EPB41: variants seen among roughly 807,000 people sequenced by gnomAD.
EPB41 encodes the protein erythrocyte membrane protein band 4.1, also known as protein 4.1.
EPB41 carries 65 observed loss-of-function variants against 108.0 expected under a neutral mutation model. That is an observed-to-expected ratio of 0.60 (90% CI 0.49 to 0.74). EPB41 has a LOEUF of 0.74. EPB41 is among the 30% of genes least tolerant of loss of function. The probability of loss-of-function intolerance (pLI) is 0.00; values close to 1 mark genes in which losing one functional copy is unlikely to be tolerated. For missense variants in EPB41, 875 were observed against 1,037.0 expected (o/e 0.84, Z 2.15); for synonymous variants, 336 against 358.9 (o/e 0.94, Z 0.72).
At chr1:28,977,361 ATTCAGTCTT>A (rs1342845895) in intron 1 of EPB41, among the ~76,000 whole-genome samples, 1 of 151,228 alleles carries the variant, frequency 6.6e-6, no homozygotes, top group Admixed American at 6.6e-5. Flanking sequence ...AAAGATAACC[ATTCAGTCTT>A]TTCAGTCTGT....
chr1:28,996,643 G>T (rs1453978195), intron 3 of EPB41, among the ~76,000 whole-genome samples: 1 of 152,158 alleles, frequency 6.6e-6, no homozygotes, highest in African/African-American at 2.4e-5. Flanking sequence ...GTAGAATTTT[G>T]CTTTGAATTG....
At chr1:28,958,785 C>A (rs1284426570) in intron 1 of EPB41, among the ~76,000 whole-genome samples, 2 of 134,326 alleles carry the variant, frequency 1.5e-5, no homozygotes, top group East Asian at 4.4e-4. Context: ...TGCCACTGCA[C>A]TCCAGCCTGG....
intron 16 of EPB41, among the ~76,000 whole-genome samples, chr1:29,080,535 A>C (rs1411929120): frequency 2.0e-5 from 3 of 151,664 alleles, no homozygotes; most frequent in Non-Finnish European, 2.9e-5. Flanking sequence ...CAGCCTCCCA[A>C]GTTGCTGGGA....
Position 29,097,876 on chromosome 1 carries a change from A to G in EPB41, c.2254A>G (p.Thr752Ala), listed in dbSNP as rs1455330457. ...CAATGCTGTGAAAAGTGAAATCCCA[A>G]CCAAAGACGTCCCTATTGTCCACAC... is the stretch of plus-strand genomic sequence containing the variant. ...NANAVKSEIP[T>A]KDVPIVHTET... is the part of the protein sequence containing the mutation. Residue 752 changes from threonine to alanine, a missense_variant, in exon 17 of 21, where the codon ACC (threonine) becomes GCC (alanine). Physicochemically the swap from Thr to Ala is moderately conservative, Grantham distance 58. Around this residue, in one of 3 missense-constraint regions of EPB41, gnomAD observed 519 missense variants for 627.3 expected, o/e 0.83. Coordinates refer to ENST00000343067, the MANE Select transcript of EPB41 (RefSeq NM_001376013.1). The G allele has an allele frequency of 1.2e-6, 2 of 1,613,860 alleles. No individual in the cohort carries two copies. The highest frequency in any genetic ancestry group is 1.7e-6 in the Non-Finnish European group (2 of 1,179,906).
chr1:28,989,873 A>G (rs2095965777), intron 2 of EPB41, among the ~76,000 whole-genome samples: 1 of 152,198 alleles, frequency 6.6e-6, no homozygotes. Context: ...TACTCAATGA[A>G]TGTTAGCTAG....
chr1:29,119,812 C>T lies in EPB41; in HGVS notation c.*3000C>T, dbSNP rs1671605560. On this transcript the variant is annotated 3_prime_UTR_variant, in exon 21 of 21. Transcript: ENST00000343067. ...TATTTTGGTGACAAAAATGAAGGAG[C>T]TTTGTAAATTTTTTTTAAAATTATG... The T allele has an allele frequency of 1.6e-5, 1 of 62,934 alleles. No homozygotes were observed. Among genetic ancestry groups the T allele is most frequent in the African/African-American group, 4.6e-5 (1 of 21,970 alleles). The allele number at this position is 62,934 out of a possible 1,614,324, so 3.9% of individuals were successfully genotyped here.
chr1:29,074,002 G>A (rs948483421), intron 16 of EPB41, among the ~76,000 whole-genome samples: 2 of 152,100 alleles, frequency 1.3e-5, no homozygotes, highest in Non-Finnish European at 2.9e-5. Flanking sequence ...AGATAAGCCT[G>A]TAGTACTTCC....
chr1:29,032,768 T>C (rs1334039341), intron 8 of EPB41, among the ~76,000 whole-genome samples: 1 of 152,190 alleles, frequency 6.6e-6, no homozygotes, highest in Non-Finnish European at 1.5e-5. Flanking sequence ...GATTGTCTTA[T>C]GCTGAGTTTA....
At chr1:28,952,185 C>T (rs1474443134) in intron 1 of EPB41, among the ~76,000 whole-genome samples, 2 of 151,548 alleles carry the variant, frequency 1.3e-5, no homozygotes, top group African/African-American at 2.4e-5. Context: ...AATTTTATCC[C>T]TTCCTGGAGT....
rs1482583666 is a variant in EPB41 at position 29,118,479 on chromosome 1, C to T, written c.*1667C>T. ...TCCCACAAACACATTGGCCTCAAGG[C>T]TCCTTAGAATCCCAGTTCCAGCTTC... On this transcript the variant is annotated 3_prime_UTR_variant, in exon 21 of 21. Transcript: ENST00000343067. The T allele has an allele frequency of 6.6e-6, 1 of 152,198 alleles. No homozygotes were observed. Among genetic ancestry groups the T allele is most frequent in the Non-Finnish European group, 1.5e-5 (1 of 68,070 alleles). 9.4% of individuals were successfully genotyped at this position (152,198 alleles called of 1,614,324 possible).
intron 1 of EPB41, among the ~76,000 whole-genome samples, chr1:28,955,577 TCA>T (rs2094915312): frequency 6.6e-6 from 1 of 152,164 alleles, no homozygotes; most frequent in Non-Finnish European, 1.5e-5. Flanking sequence ...TCTCTTGACC[TCA>T]TGATCCGCTC....
chr1:29,005,885 A>G (rs1473683228), intron 4 of EPB41, among the ~76,000 whole-genome samples: 2 of 152,220 alleles, frequency 1.3e-5, no homozygotes, highest in East Asian at 3.8e-4. Flanking sequence ...TATTATTTGG[A>G]AAGTTGTTTT....
chr1:29,007,618 A>T (rs1034923213), intron 4 of EPB41, among the ~76,000 whole-genome samples: 4 of 152,160 alleles, frequency 2.6e-5, no homozygotes, highest in African/African-American at 7.2e-5. Context: ...GATAAATCTG[A>T]CATGTTTTAT....
intron 16 of EPB41, among the ~76,000 whole-genome samples, chr1:29,081,954 C>A (rs1656868489): frequency 1.3e-5 from 2 of 151,810 alleles, no homozygotes; most frequent in Non-Finnish European, 2.9e-5. Context: ...AGCCATGTTT[C>A]TTTTATGAGT....
chr1:28,955,848 C>T (rs901538716), intron 1 of EPB41, among the ~76,000 whole-genome samples: 10 of 152,034 alleles, frequency 6.6e-5, no homozygotes, highest in African/African-American at 1.7e-4. Context: ...TTTTAACTAC[C>T]GTAAGAAGTA....
intron 1 of EPB41, among the ~76,000 whole-genome samples, chr1:28,894,690 C>T (rs1290194042): frequency 1.3e-5 from 2 of 152,012 alleles, no homozygotes; most frequent in East Asian, 3.9e-4. Context: ...CCAGGTGTGA[C>T]CCTGGACAAG....
At chr1:28,915,466 C>CAGCA (rs2092563206) in intron 1 of EPB41, among the ~76,000 whole-genome samples, 2 of 152,070 alleles carry the variant, frequency 1.3e-5, no homozygotes. Context: ...CGAGATTGAC[C>CAGCA]AGCAGGCCAT....
chr1:28,926,253 A>G (rs2093439176), intron 1 of EPB41, among the ~76,000 whole-genome samples: 1 of 152,178 alleles, frequency 6.6e-6, no homozygotes, highest in African/African-American at 2.4e-5. Context: ...GCCAAACCAT[A>G]TCACCTCACT....
chr1:28,902,799 G>C (rs899351188), intron 1 of EPB41, among the ~76,000 whole-genome samples: 21 of 152,158 alleles, frequency 1.4e-4, no homozygotes, highest in African/African-American at 5.1e-4. Flanking sequence ...AGCTTAAGTG[G>C]CTGTGTAGCT....
Sources: gnomAD v4.1 joint callset for allele counts (sites outside exome capture counted in the v4.1 genomes callset) on GRCh38, gnomAD v4.1.1 for gene constraint, gnomAD v4.1.1 regional missense constraint, MANE v1.5 for transcripts, NCBI Gene and HGNC (gene_info 2026-07-23, HGNC 2026-07-21) for gene names.